Variants in RNF2 observed in about 807,000 individuals in gnomAD.
RNF2 encodes the protein ring finger protein 2, also known as E3 ubiquitin-protein ligase RING2.
Under a neutral mutation model 37.2 loss-of-function variants are expected in RNF2, and 6 were observed. That is an observed-to-expected ratio of 0.16 (90% CI 0.09 to 0.32). The LOEUF is 0.32. Among genes scored for constraint, RNF2 ranks in the 10% least tolerant of loss-of-function variants. RNF2 has a pLI of 1.00. For synonymous variants in RNF2, 133 were observed against 132.7 expected, an observed-to-expected ratio of 1.00 and a Z score of -0.02; for missense variants, 251 against 404.0, an observed-to-expected ratio of 0.62 and a Z score of 3.25.
At chr1:185,056,842 AATTT>A (rs1481320410) in intron 1 of RNF2, among the ~76,000 whole-genome samples, 5 of 152,182 alleles carry the variant, frequency 3.3e-5, no homozygotes, top group African/African-American at 1.2e-4. Context: ...TCATTTTTAA[AATTT>A]ATTTTTTAAA....
chr1:185,052,701 T>A (rs1032803528), intron 1 of RNF2, among the ~76,000 whole-genome samples: 1 of 152,178 alleles, frequency 6.6e-6, no homozygotes, highest in Admixed American at 6.5e-5. Context: ...CCCCAGTAAG[T>A]TTTTTTAAAA....
At chr1:185,075,703 A>G (rs931388741) in intron 1 of RNF2, among the ~76,000 whole-genome samples, 19 of 152,134 alleles carry the variant, frequency 1.2e-4, no homozygotes, top group African/African-American at 4.6e-4. Flanking sequence ...CTTCTAAACA[A>G]TCAGCTCTTG....
intron 4 of RNF2, among the ~76,000 whole-genome samples, chr1:185,094,459 C>G (rs1651856519): frequency 6.7e-6 from 1 of 148,828 alleles, no homozygotes; most frequent in African/African-American, 2.5e-5. Context: ...GCTTTTAAAT[C>G]TCTTTTACAC....
chr1:185,087,594 G>C lies in RNF2; in HGVS notation c.41G>C (p.Ser14Thr). The change falls in exon 2 of 7, where the codon AGC (serine) becomes ACC (threonine). Residue 14 changes from serine (S) to threonine (T), a missense_variant. This residue lies in a region of RNF2 where 43 missense variants were observed against 82.7 expected (regional missense o/e 0.52). Coordinates refer to ENST00000367510, the MANE Select transcript of RNF2 (RefSeq NM_007212.4). The stretch of plus-strand genomic sequence containing the variant: ...CAGACAAACGGAACTCAACCATTAA[G>C]CAAAACATGGGAACTCAGTTTATAT... ...AVQTNGTQPL[S>T]KTWELSLYEL... 2 of 1,614,132 alleles carry C rather than the reference G, an allele frequency of 1.2e-6. No homozygotes were observed. Among genetic ancestry groups the C allele is most frequent in the Non-Finnish European group, 1.7e-6 (2 of 1,179,996 alleles).
At chr1:185,079,123 C>G (rs141711732) in intron 1 of RNF2, among the ~76,000 whole-genome samples, 33 of 148,478 alleles carry the variant, frequency 2.2e-4, no homozygotes, top group Middle Eastern at 7.0e-3. Flanking sequence ...GCCTATGCAG[C>G]TAAAGTTATC....
intron 1 of RNF2, among the ~76,000 whole-genome samples, chr1:185,076,265 G>GTTTTTTT (rs1557967374): frequency 7.6e-5 from 3 of 39,540 alleles, no homozygotes; most frequent in Admixed American, 2.5e-4. Context: ...TCTTTTATGG[G>GTTTTTTT]TTGTTTTTTT....
intron 1 of RNF2, among the ~76,000 whole-genome samples, chr1:185,048,288 C>T (rs1473178209): frequency 6.6e-6 from 1 of 152,088 alleles, no homozygotes; most frequent in African/African-American, 2.4e-5. Flanking sequence ...GGAGCAACTC[C>T]GGTAGAATTG....
intron 3 of RNF2, 154 bp downstream of exon 3, chr1:185,091,893 G>A (rs572256451): frequency 8.3e-6 from 5 of 600,674 alleles, no homozygotes; most frequent in East Asian, 5.9e-5. Context: ...TTGGCTCACT[G>A]CAACCTCTGC....
intron 1 of RNF2, among the ~76,000 whole-genome samples, chr1:185,080,209 A>G (rs1382197245): frequency 1.3e-5 from 2 of 152,080 alleles, no homozygotes; most frequent in African/African-American, 4.8e-5. Context: ...CTCTGTGTAT[A>G]TGTTAGTATC....
rs1379533784 is a variant in RNF2, at chr1:185,097,962, G to A, written c.465-110G>A. On this transcript the variant is annotated intron_variant, in intron 4 of 6. Transcript: ENST00000367510. ...TATCATCCAACTCAGAGTAAATTCA[G>A]TTACCAGTATTTTTTGGAATTCTAA... 6.1e-6 allele frequency: 7 copies of A among 1,156,022 alleles called. No homozygotes were observed. The African/African-American group carries it at 7.8e-5, about 13-fold the overall frequency. 71.6% of individuals were successfully genotyped at this position (1,156,022 alleles called of 1,614,324 possible).
At chr1:185,081,998 A>C (rs1028748436) in intron 1 of RNF2, among the ~76,000 whole-genome samples, 2 of 152,130 alleles carry the variant, frequency 1.3e-5, no homozygotes, top group Admixed American at 1.3e-4. Flanking sequence ...CTTCAGTCCA[A>C]CCACTGAGCG....
At chr1:185,093,034 C>T in intron 3 of RNF2, 27 bp from the exon 4 acceptor site, 1 of 1,603,384 alleles carries the variant, frequency 6.2e-7, no homozygotes, top group African/African-American at 1.3e-5. Flanking sequence ...GCATTGTTTA[C>T]ATTTGCTTTC....
chr1:185,059,481 C>T (rs995856986), intron 1 of RNF2, among the ~76,000 whole-genome samples: 2 of 152,260 alleles, frequency 1.3e-5, no homozygotes, highest in Non-Finnish European at 2.9e-5. Flanking sequence ...GTCCTTGTAG[C>T]GCAGATGCAA....
At chr1:185,048,793 C>T (rs1380936669) in intron 1 of RNF2, among the ~76,000 whole-genome samples, 1 of 151,788 alleles carries the variant, frequency 6.6e-6, no homozygotes, top group Non-Finnish European at 1.5e-5. Context: ...CTTGAAAATC[C>T]CTCAGGAAGG....
At chr1:185,080,127 G>T (rs918097326) in intron 1 of RNF2, among the ~76,000 whole-genome samples, 1 of 152,048 alleles carries the variant, frequency 6.6e-6, no homozygotes, top group Admixed American at 6.6e-5. Flanking sequence ...TTCTTTGCTG[G>T]CTTCCACTCT....
At position 185,093,121 on chromosome 1, in the gene RNF2, C is replaced by G; in HGVS notation, c.309C>G (p.Asp103Glu). 1 of 1,613,960 alleles carries G rather than the reference C, an allele frequency of 6.2e-7. No homozygotes were observed. Residue 103 changes from aspartate (D) to glutamate (E), a missense_variant, in exon 4 of 7, where the codon GAC (aspartate) becomes GAG (glutamate). By Grantham distance (45) the Asp-to-Glu change is conservative (BLOSUM62 2). This residue lies in a region of RNF2 where 33 missense variants were observed against 46.8 expected (regional missense o/e 0.71). Coordinates refer to ENST00000367510, the MANE Select transcript of RNF2 (RefSeq NM_007212.4). Reference protein sequence around the residue: ...KLVSKRSLRPDPNFDALISKI... With the variant: ...KLVSKRSLRPEPNFDALISKI... ...TTTCCAAAAGATCACTAAGGCCAGACCCAAACTTTGATGCACTCATCAGCA... is the reference window on the plus strand; with the variant it reads ...TTTCCAAAAGATCACTAAGGCCAGAGCCAAACTTTGATGCACTCATCAGCA...
intron 1 of RNF2, among the ~76,000 whole-genome samples, chr1:185,079,887 G>T (rs543494201): frequency 6.6e-6 from 1 of 151,720 alleles, no homozygotes; most frequent in East Asian, 1.9e-4. Flanking sequence ...CTGAGATCGC[G>T]CCACTGCACT....
intron 1 of RNF2, among the ~76,000 whole-genome samples, chr1:185,056,919 C>T (rs1040699420): frequency 6.6e-6 from 1 of 152,100 alleles, no homozygotes; most frequent in African/African-American, 2.4e-5. Context: ...ATATTTTGCT[C>T]TATTTTCCTT....
At chr1:185,099,557 G>C (rs1015728190) in intron 5 of RNF2, among the ~76,000 whole-genome samples, 8 of 152,044 alleles carry the variant, frequency 5.3e-5, no homozygotes, top group African/African-American at 1.9e-4. Flanking sequence ...AGGTAAGGTA[G>C]GTAAAGCTTT....
Sources: allele counts gnomAD v4.1 joint callset (sites outside exome capture counted in the v4.1 genomes callset), GRCh38; gene constraint gnomAD v4.1.1; regional missense constraint gnomAD v4.1.1; transcripts MANE v1.5; gene names NCBI Gene and HGNC (gene_info 2026-07-23, HGNC 2026-07-21).